TTLL5: variants seen among roughly 807,000 people sequenced by gnomAD.
TTLL5 encodes tubulin polyglutamylase TTLL5.
TTLL5 carries 132 observed loss-of-function variants against 168.4 expected under a neutral mutation model. The ratio of observed to expected loss-of-function variants is 0.78; its 90% CI spans 0.68 to 0.91. The LOEUF is 0.91. Ranked by LOEUF, TTLL5 falls within the 40% of genes least tolerant of loss-of-function variation. TTLL5 has a pLI of 0.00. For synonymous variants in TTLL5, 546 were observed against 558.6 expected, an observed-to-expected ratio of 0.98 and a Z score of 0.32; for missense variants, 1,545 against 1,581.5, an observed-to-expected ratio of 0.98 and a Z score of 0.39.
chr14:75,854,205 C>T (rs2139902757), intron 28 of TTLL5, among the ~76,000 whole-genome samples: 1 of 152,284 alleles, frequency 6.6e-6, no homozygotes, highest in African/African-American at 2.4e-5. Context: ...TACTGCCCCT[C>T]CCCACTAGTA....
chr14:75,858,314 T>C (rs1897237293), intron 28 of TTLL5, among the ~76,000 whole-genome samples: 1 of 152,260 alleles, frequency 6.6e-6, no homozygotes, highest in South Asian at 2.1e-4. Flanking sequence ...TAGAAGTCAC[T>C]GTATTCTTGA....
At chr14:75,913,509 A>C (rs1049926825) in intron 31 of TTLL5, among the ~76,000 whole-genome samples, 2 of 152,124 alleles carry the variant, frequency 1.3e-5, no homozygotes, top group Admixed American at 1.3e-4. Context: ...TGGACTCTAA[A>C]ACTCTAGGGT....
chr14:75,929,773 C>T (rs1297548379), intron 31 of TTLL5, among the ~76,000 whole-genome samples: 1 of 152,136 alleles, frequency 6.6e-6, no homozygotes, highest in East Asian at 1.9e-4. Context: ...ATTTTTCACT[C>T]AGCATTTCTT....
intron 28 of TTLL5, among the ~76,000 whole-genome samples, chr14:75,825,969 G>A (rs530110573): frequency 2.6e-5 from 4 of 152,162 alleles, no homozygotes; most frequent in African/African-American, 7.2e-5. Flanking sequence ...CACCGAGAGA[G>A]CTGAGTGCTG....
At chr14:75,731,824 A>C (rs2359865) in intron 12 of TTLL5, among the ~76,000 whole-genome samples, 4 of 152,004 alleles carry the variant, frequency 2.6e-5, no homozygotes, top group Admixed American at 2.0e-4. Flanking sequence ...TCTTGACCTA[A>C]GTTGCAAAAG....
intron 26 of TTLL5, 65 bp from the exon 27 acceptor site, chr14:75,792,851 A>G (rs929026649): frequency 2.4e-5 from 34 of 1,431,140 alleles, no homozygotes; most frequent in Non-Finnish European, 3.0e-5. Flanking sequence ...GATTTCTGTC[A>G]TTATCCTAAT....
intron 6 of TTLL5, among the ~76,000 whole-genome samples, chr14:75,692,187 A>T (rs1885513539): frequency 6.6e-6 from 1 of 152,176 alleles, no homozygotes; most frequent in African/African-American, 2.4e-5. Context: ...AGTTGTCAAG[A>T]TATTTAAGTA....
At position 75,887,292 on chromosome 14, in the gene TTLL5, G is replaced by A. The variant is rs377288558; in HGVS notation, c.3740+4390G>A. ...TCAGAAGAATATGAAAATAAACACCGGCTTAAAAAATGTTATATCTTTTTA... is the reference window on the plus strand; with the variant it reads ...TCAGAAGAATATGAAAATAAACACCAGCTTAAAAAATGTTATATCTTTTTA... On this transcript the variant is annotated intron_variant, in intron 30 of 31. Transcript: ENST00000298832. 9.6e-5 allele frequency: 95 copies of A among 985,646 alleles called. No homozygotes were observed. In the African/African-American group the frequency reaches 1.5e-3, roughly 15 times the overall value. 61.1% of individuals were successfully genotyped at this position (985,646 alleles called of 1,614,324 possible). A position where few individuals can be genotyped will look rare whatever the true frequency, so the allele number is the denominator to read the frequency against.
Position 75,793,055 on chromosome 14 carries a change from G to A in TTLL5, c.3126G>A (p.Ala1042=), listed in dbSNP as rs528586611. 27 of 1,613,740 alleles carry A rather than the reference G, an allele frequency of 1.7e-5. No individual in the cohort carries two copies. The South Asian group carries it at 2.3e-4, about 14-fold the overall frequency. ...ELQRLAEKQA[A]RQYSPSSHIN... ...AGCGGCTAGCTGAGAAGCAGGCAGC[G>A]AGACAGTATTCTCCATCCAGCCACA... Residue 1042 remains alanine (A), a synonymous_variant, in exon 27 of 32, where the codon GCG becomes GCA. Coordinates refer to ENST00000298832, the MANE Select transcript of TTLL5 (RefSeq NM_015072.5).
chr14:75,767,597 A>G (rs1484924224), intron 20 of TTLL5, among the ~76,000 whole-genome samples: 1 of 152,240 alleles, frequency 6.6e-6, no homozygotes, highest in Non-Finnish European at 1.5e-5. Flanking sequence ...GAGGAATTAT[A>G]TAAGGAGAAG....
rs59787253 is a variant in TTLL5 at position 75,937,283 on chromosome 14, AT to A, written c.3824-17125del. On this transcript the variant is annotated intron_variant, in intron 31 of 31. Transcript: ENST00000298832. ...AGGCATGCACCACCACGTCCAGCTA[AT>A]TTTTTTTTTTTTTTTGTATTTTTAG... Among the ~76,000 whole-genome samples the A allele has an allele frequency of 9.7e-3, 1,356 of 139,936 alleles. 10 individuals carry two copies. Among genetic ancestry groups the A allele is most frequent in the South Asian group, 0.029 (128 of 4,354 alleles). 91.8% of individuals were successfully genotyped at this position (139,936 alleles called of 152,430 possible). A position where few individuals can be genotyped will look rare whatever the true frequency, so the allele number is the denominator to read the frequency against.
At chr14:75,808,109 A>G (rs1410614452) in intron 27 of TTLL5, among the ~76,000 whole-genome samples, 1 of 152,224 alleles carries the variant, frequency 6.6e-6, no homozygotes, top group African/African-American at 2.4e-5. Context: ...ATCTACATGT[A>G]TAAATTGGAA....
chr14:75,903,266 A>G (rs772371835), intron 31 of TTLL5, among the ~76,000 whole-genome samples: 26 of 152,146 alleles, frequency 1.7e-4, no homozygotes, highest in Non-Finnish European at 3.2e-4. Flanking sequence ...GAGGAAAAAC[A>G]TCGAAGCTGA....
chr14:75,678,663 T>C (rs979010789), intron 3 of TTLL5, among the ~76,000 whole-genome samples: 1 of 149,392 alleles, frequency 6.7e-6, no homozygotes, highest in Non-Finnish European at 1.5e-5. Flanking sequence ...TATCCATGTT[T>C]GATGGTTCCT....
intron 28 of TTLL5, among the ~76,000 whole-genome samples, chr14:75,821,102 G>C (rs900479203): frequency 9.2e-5 from 14 of 152,178 alleles, no homozygotes; most frequent in African/African-American, 3.4e-4. Flanking sequence ...GAAATACCTA[G>C]TTGTTGGTAA....
chr14:75,931,062 A>G (rs2034261432), intron 31 of TTLL5, among the ~76,000 whole-genome samples: 1 of 152,172 alleles, frequency 6.6e-6, no homozygotes, highest in Non-Finnish European at 1.5e-5. Context: ...ACCTCCATCT[A>G]GGACAATTCC....
At chr14:75,721,554 A>G (rs1174840026) in intron 12 of TTLL5, among the ~76,000 whole-genome samples, 4 of 152,162 alleles carry the variant, frequency 2.6e-5, no homozygotes, top group African/African-American at 4.8e-5. Context: ...AATAAAGAAT[A>G]TGGGTTTTAG....
chr14:75,794,043 A>G (rs1345008189), intron 27 of TTLL5, among the ~76,000 whole-genome samples: 1 of 152,204 alleles, frequency 6.6e-6, no homozygotes, highest in Non-Finnish European at 1.5e-5. Context: ...TATCTGTATA[A>G]AATTTAGGAC....
chr14:75,888,659 G>A (rs2032237523), intron 30 of TTLL5, among the ~76,000 whole-genome samples: 1 of 152,096 alleles, frequency 6.6e-6, no homozygotes. Context: ...GCTCAGGCTG[G>A]GCATGGTGGC....
Sources: gnomAD v4.1 joint callset for allele counts (sites outside exome capture counted in the v4.1 genomes callset) on GRCh38, gnomAD v4.1.1 for gene constraint, MANE v1.5 for transcripts, NCBI Gene and HGNC (gene_info 2026-07-23, HGNC 2026-07-21) for gene names.